The following KL variants were observed in gnomAD, a reference collection of about 807,000 sequenced individuals.
The protein encoded by KL is klotho, also known as alpha-klotho.
In KL, 62 loss-of-function variants were observed where a neutral mutation model predicts 84.2. The observed-to-expected ratio is 0.74, with a 90% confidence interval of 0.60 to 0.91. KL has a LOEUF of 0.91. Ranked by LOEUF, KL falls within the 40% of genes least tolerant of loss-of-function variation. The pLI is 0.00. For missense variants in KL, 1,261 were observed against 1,305.7 expected, an observed-to-expected ratio of 0.97 and a Z score of 0.53; for synonymous variants, 528 against 528.0, an observed-to-expected ratio of 1.00 and a Z score of 0.00.
At chr13:33,017,987 G>A (rs372956771) in intron 1 of KL, among the ~76,000 whole-genome samples, 1 of 152,212 alleles carries the variant, frequency 6.6e-6, no homozygotes, top group Non-Finnish European at 1.5e-5. Context: ...GACATTGTTA[G>A]CCTGATAAAA....
At chr13:33,039,517 G>A (rs965898090) in intron 1 of KL, among the ~76,000 whole-genome samples, 5 of 152,168 alleles carry the variant, frequency 3.3e-5, no homozygotes, top group African/African-American at 1.2e-4. Context: ...ATTTACTCCT[G>A]CTTGTGGGTG....
At position 33,064,936 on chromosome 13, in the gene KL, T is replaced by C; in HGVS notation, c.*750T>C. On this transcript the variant is annotated 3_prime_UTR_variant, in exon 5 of 5. Coordinates refer to ENST00000380099, the MANE Select transcript of KL (RefSeq NM_004795.4). Reference sequence around the variant, plus strand: ...ATAAGTATCTGCGGAAAAACAAACATGAATCCTGTGATATTGGGCTCTTCA... The same window carrying C: ...ATAAGTATCTGCGGAAAAACAAACACGAATCCTGTGATATTGGGCTCTTCA... The C allele has an allele frequency of 4.4e-6, 1 of 228,584 alleles. No homozygotes were observed. The highest frequency in any genetic ancestry group is 2.2e-5 in the African/African-American group (1 of 45,182). The allele number at this position is 228,584 out of a possible 1,614,324, so 14.2% of individuals were successfully genotyped here.
In KL at chr13:33,017,065, A is replaced by G. The variant is rs1224911018; in HGVS notation, c.625A>G (p.Asn209Asp). 1 of 1,601,794 alleles carries G rather than the reference A, an allele frequency of 6.2e-7. No homozygotes were observed. Among genetic ancestry groups the G allele is most frequent in the African/African-American group, 1.3e-5 (1 of 74,866 alleles). The part of the protein sequence containing the change: ...RLQDAYGGWA[N>D]RALADHFRDY... Reference sequence around the variant, plus strand: ...GCAGGACGCCTACGGCGGCTGGGCCAACCGCGCCCTGGCCGACCACTTCAG... The same window carrying G: ...GCAGGACGCCTACGGCGGCTGGGCCGACCGCGCCCTGGCCGACCACTTCAG... The change falls in exon 1 of 5, where the codon AAC (asparagine) becomes GAC (aspartate). Residue 209 changes from asparagine to aspartate, a missense_variant. Transcript: ENST00000380099.
chr13:33,063,706 G>A, intron 4 of KL, 143 bp from the exon 5 acceptor site: 2 of 752,080 alleles, frequency 2.7e-6, no homozygotes, highest in Non-Finnish European at 4.7e-6. Flanking sequence ...GAACCTGGGA[G>A]GCGGAGGTTG....
chr13:33,038,307 T>C (rs1229636201), intron 1 of KL, among the ~76,000 whole-genome samples: 1 of 152,194 alleles, frequency 6.6e-6, no homozygotes, highest in African/African-American at 2.4e-5. Context: ...CACAACACGT[T>C]GGGTAAATTC....
chr13:33,060,328 T>C (rs963163657), intron 3 of KL, among the ~76,000 whole-genome samples: 24 of 152,224 alleles, frequency 1.6e-4, no homozygotes, highest in Admixed American at 1.5e-3. Context: ...CATTAATGAT[T>C]TCTTACATTA....
chr13:33,047,508 T>G (rs1871581800), intron 1 of KL, among the ~76,000 whole-genome samples: 1 of 152,008 alleles, frequency 6.6e-6, no homozygotes, highest in South Asian at 2.1e-4. Flanking sequence ...ACCTGTATTT[T>G]TAGTAGAGAC....
chr13:33,030,529 T>C (rs1208876098), intron 1 of KL, among the ~76,000 whole-genome samples: 1 of 152,184 alleles, frequency 6.6e-6, no homozygotes, highest in East Asian at 1.9e-4. Context: ...TGTTGCATGA[T>C]CATAAGTGCA....
chr13:33,052,973 A>C (rs1871810109), intron 1 of KL, among the ~76,000 whole-genome samples: 2 of 152,232 alleles, frequency 1.3e-5, no homozygotes, highest in Non-Finnish European at 2.9e-5. Flanking sequence ...AATGAAAATA[A>C]GATATTAGAA....
At position 33,053,723 on chromosome 13, in the gene KL, C is replaced by T. The variant is rs746736972; in HGVS notation, c.820-44C>T. 2.5e-6 allele frequency: 4 copies of T among 1,589,306 alleles called. No individual in the cohort carries two copies. The East Asian group carries it at 8.9e-5, about 36-fold the overall frequency. The stretch of plus-strand genomic sequence containing the variant: ...GATTCAAGTATTATATTGCATTTCT[C>T]CTCACAACTAGAGATAAATTTGCCA... On this transcript the variant is annotated intron_variant, in intron 1 of 4. Coordinates refer to ENST00000380099, the MANE Select transcript of KL (RefSeq NM_004795.4).
intron 1 of KL, among the ~76,000 whole-genome samples, chr13:33,019,989 A>T (rs1411983081): frequency 6.6e-6 from 1 of 152,142 alleles, no homozygotes; most frequent in Non-Finnish European, 1.5e-5. Flanking sequence ...GTTCAGCCCC[A>T]GCAGTGCCTC....
intron 3 of KL, among the ~76,000 whole-genome samples, chr13:33,058,197 T>C (rs1365434939): frequency 8.5e-5 from 13 of 152,158 alleles, no homozygotes; most frequent in Non-Finnish European, 1.9e-4. Flanking sequence ...AGAAAGTTTC[T>C]CCCATAACAT....
Position 33,061,598 on chromosome 13 carries a change from A to G in KL, c.2519A>G (p.Asn840Ser), listed in dbSNP as rs768293409. Reference sequence around the variant, plus strand: ...GAAATGACCGACATCACGTGGCTCAACTCCCCCAGTCAGGTGGCGGTAGTG... The same window carrying G: ...GAAATGACCGACATCACGTGGCTCAGCTCCCCCAGTCAGGTGGCGGTAGTG... ...VQEMTDITWL[N>S]SPSQVAVVPW... The change falls in exon 4 of 5, where the codon AAC becomes AGC. Residue 840 changes from asparagine (N) to serine (S), a missense_variant. Coordinates refer to ENST00000380099, the MANE Select transcript of KL (RefSeq NM_004795.4). 3 of 1,614,062 alleles carry G rather than the reference A, an allele frequency of 1.9e-6. No homozygotes were observed. The highest frequency in any genetic ancestry group is 3.3e-5 in the Admixed American group (2 of 60,008).
In KL at chr13:33,016,463, G is replaced by C. The variant is rs2138181627; in HGVS notation, c.23G>C (p.Arg8Pro). The C allele has an allele frequency of 2.0e-6, 2 of 997,100 alleles. No individual in the cohort carries two copies. The highest frequency in any genetic ancestry group is 2.4e-6 in the Non-Finnish European group (2 of 840,714). The allele number at this position is 997,100 out of a possible 1,614,324, so 61.8% of individuals were successfully genotyped here. ...AGCATGCCCGCCAGCGCCCCGCCGC[G>C]CCGCCCGCGGCCGCCGCCGCCGTCG... MPASAPP[R>P]RPRPPPPSLS... The change falls in exon 1 of 5, where the codon CGC (arginine) becomes CCC (proline). Residue 8 changes from arginine (R) to proline (P), a missense_variant. Arg to Pro is a moderately radical substitution (Grantham distance 103). Coordinates refer to ENST00000380099, the MANE Select transcript of KL (RefSeq NM_004795.4).
chr13:33,055,966 C>T (rs1365322517), intron 3 of KL, among the ~76,000 whole-genome samples: 2 of 152,144 alleles, frequency 1.3e-5, no homozygotes, highest in Admixed American at 1.3e-4. Context: ...ACTGGATACT[C>T]TAGTAAGCAC....
rs146715209 is a variant in KL at position 33,022,073 on chromosome 13, T to C, written c.819+4814T>C. Among the ~76,000 whole-genome samples, 480 of 152,320 alleles carry C rather than the reference T, an allele frequency of 3.2e-3. 1 individual carries two copies. The highest frequency in any genetic ancestry group is 5.5e-3 in the Non-Finnish European group (375 of 68,022). On this transcript the variant is annotated intron_variant, in intron 1 of 4. Transcript: ENST00000380099. ...TACAGTCAAGTCCAAGAAAAAATTTTAAAATAGGAAAAGAATTAATCAAAT... is the reference window on the plus strand; with the variant it reads ...TACAGTCAAGTCCAAGAAAAAATTTCAAAATAGGAAAAGAATTAATCAAAT...
At chr13:33,021,394 A>G (rs1870569348) in intron 1 of KL, among the ~76,000 whole-genome samples, 1 of 152,220 alleles carries the variant, frequency 6.6e-6, no homozygotes, top group Non-Finnish European at 1.5e-5. Context: ...AGCATTATGA[A>G]GAAGTTTTCA....
In KL at chr13:33,064,566, A is replaced by G. The variant is rs191750865; in HGVS notation, c.*380A>G. The G allele has an allele frequency of 1.0e-3, 288 of 277,794 alleles. No individual in the cohort carries two copies. Among genetic ancestry groups the G allele is most frequent in the Non-Finnish European group, 1.7e-3 (249 of 145,592 alleles). The allele number at this position is 277,794 out of a possible 1,614,324, so 17.2% of individuals were successfully genotyped here. A position where few individuals can be genotyped will look rare whatever the true frequency, so the allele number is the denominator to read the frequency against. ...AATTTAATGTTTTTCTGGAAGTAGT[A>G]ATTGCAAGAGTTCGAATAGAAAGTT... On this transcript the variant is annotated 3_prime_UTR_variant, in exon 5 of 5. Coordinates refer to ENST00000380099, the MANE Select transcript of KL (RefSeq NM_004795.4).
At chr13:33,027,967 C>T (rs1422521559) in intron 1 of KL, among the ~76,000 whole-genome samples, 1 of 152,162 alleles carries the variant, frequency 6.6e-6, no homozygotes, top group Non-Finnish European at 1.5e-5. Flanking sequence ...TGATGTGTGT[C>T]CAACAACTAT....
Sources: allele counts gnomAD v4.1 joint callset (sites outside exome capture counted in the v4.1 genomes callset), GRCh38; gene constraint gnomAD v4.1.1; transcripts MANE v1.5; gene names NCBI Gene and HGNC (gene_info 2026-07-23, HGNC 2026-07-21).